NIBAN1: variants seen among roughly 807,000 people sequenced by gnomAD.
The protein encoded by NIBAN1 is niban apoptosis regulator 1, also known as protein Niban 1.
In NIBAN1, 81 loss-of-function variants were observed where a neutral mutation model predicts 75.1. The observed-to-expected ratio is 1.08, with a 90% CI of 0.90 to 1.30. The LOEUF (loss-of-function observed/expected upper bound fraction) is 1.30. Among genes scored for constraint, NIBAN1 ranks in the 50% most tolerant of loss-of-function variants. The pLI, the probability that NIBAN1 is intolerant of heterozygous loss-of-function variation, is 0.00. For synonymous variants in NIBAN1, 436 were observed against 424.8 expected (o/e 1.03, Z -0.32); for missense variants, 1,133 against 1,128.1 (o/e 1.00, Z -0.06).
intron 1 of NIBAN1, among the ~76,000 whole-genome samples, chr1:184,940,258 C>T (rs2102046931): frequency 6.6e-6 from 1 of 152,328 alleles, no homozygotes; most frequent in East Asian, 1.9e-4. Flanking sequence ...CCGGCACCAG[C>T]AGAACCGTGG....
intron 9 of NIBAN1, among the ~76,000 whole-genome samples, chr1:184,812,355 GA>G (rs1279396351): frequency 6.6e-6 from 1 of 152,086 alleles, no homozygotes; most frequent in East Asian, 1.9e-4. Context: ...TAGCCAGAAT[GA>G]AAAAAATAAT....
chr1:184,893,997 A>G (rs1382566004), intron 3 of NIBAN1, 78 bp downstream of exon 3: 1 of 1,430,592 alleles, frequency 7.0e-7, no homozygotes, highest in East Asian at 2.4e-5. Context: ...CCTTGTAGGA[A>G]GGAGAGGGCA....
chr1:184,945,074 T>G (rs1658187469), intron 1 of NIBAN1, among the ~76,000 whole-genome samples: 1 of 152,194 alleles, frequency 6.6e-6, no homozygotes, highest in Non-Finnish European at 1.5e-5. Flanking sequence ...TGTTCCTAAT[T>G]TAGTATACAA....
At chr1:184,940,600 T>C (rs1020360068) in intron 1 of NIBAN1, among the ~76,000 whole-genome samples, 8 of 152,312 alleles carry the variant, frequency 5.3e-5, no homozygotes, top group Middle Eastern at 3.4e-3. Context: ...ACAGTGTATT[T>C]TGGTAGTGGG....
intron 1 of NIBAN1, among the ~76,000 whole-genome samples, chr1:184,916,572 C>A (rs371088322): frequency 6.6e-6 from 1 of 152,050 alleles, no homozygotes; most frequent in Non-Finnish European, 1.5e-5. Context: ...AAACCATATA[C>A]AACTTGGCCA....
At chr1:184,814,031 T>A (rs934734378) in intron 9 of NIBAN1, among the ~76,000 whole-genome samples, 17 of 152,244 alleles carry the variant, frequency 1.1e-4, no homozygotes, top group African/African-American at 3.9e-4. Flanking sequence ...GTATTTTTTG[T>A]AAGAGATTAT....
At chr1:184,873,430 G>A (rs533163514) in intron 5 of NIBAN1, among the ~76,000 whole-genome samples, 6 of 152,244 alleles carry the variant, frequency 3.9e-5, no homozygotes, top group African/African-American at 4.8e-5. Context: ...AGAGCTCCCC[G>A]CCCTTGTCCT....
intron 1 of NIBAN1, among the ~76,000 whole-genome samples, chr1:184,960,734 T>G (rs1658613546): frequency 6.6e-6 from 1 of 152,096 alleles, no homozygotes; most frequent in South Asian, 2.1e-4. Context: ...GTTCAAGTGA[T>G]TCTCCTGTCT....
chr1:184,833,996 T>C lies in NIBAN1; in HGVS notation c.602-2034A>G, dbSNP rs1043258164. 3.9e-4 allele frequency among the ~76,000 whole-genome samples: 59 copies of C among 152,140 alleles called. 1 individual carries two copies. The Middle Eastern group carries it at 0.01, about 26-fold the overall frequency. On this transcript the variant is annotated intron_variant, in intron 5 of 13. Coordinates refer to ENST00000367511, the MANE Select transcript of NIBAN1 (RefSeq NM_052966.4). Reference sequence around the variant, plus strand: ...TTACATTAGGTATTTCTCCTAATGTTATCCCTCCCCCTGCCCCCCACCCCA... The same window carrying C: ...TTACATTAGGTATTTCTCCTAATGTCATCCCTCCCCCTGCCCCCCACCCCA...
At chr1:184,917,444 C>T (rs1657420367) in intron 1 of NIBAN1, among the ~76,000 whole-genome samples, 1 of 145,770 alleles carries the variant, frequency 6.9e-6, no homozygotes, top group Non-Finnish European at 1.5e-5. Flanking sequence ...GATCTGACCT[C>T]GTGATCCGCC....
rs151290852 is a variant in NIBAN1, at chr1:184,954,005, A to G, written c.55+20297T>C. ...TATATGATTCAAGGAGCACTTCATT[A>G]CTCAAAATTCCTAAGGGGGAAAGAT... is the stretch of plus-strand genomic sequence containing the variant. On this transcript the variant is annotated intron_variant, in intron 1 of 13. Transcript: ENST00000367511. Among the ~76,000 whole-genome samples the G allele has an allele frequency of 2.8e-3, 419 of 152,342 alleles. 1 individual carries two copies. Among genetic ancestry groups the G allele is most frequent in the Non-Finnish European group, 3.6e-3 (247 of 68,040 alleles).
chr1:184,814,892 A>C (rs1654484287), intron 9 of NIBAN1, among the ~76,000 whole-genome samples: 1 of 152,236 alleles, frequency 6.6e-6, no homozygotes, highest in African/African-American at 2.4e-5. Context: ...GGACTCATGA[A>C]GAACTAGGAC....
At chr1:184,957,798 C>T (rs182472019) in intron 1 of NIBAN1, among the ~76,000 whole-genome samples, 1 of 152,292 alleles carries the variant, frequency 6.6e-6, no homozygotes, top group East Asian at 1.9e-4. Flanking sequence ...AGCGAGTCCT[C>T]AGGAAATTAT....
intron 12 of NIBAN1, among the ~76,000 whole-genome samples, chr1:184,799,627 C>T (rs1428815770): frequency 7.6e-6 from 1 of 131,382 alleles, no homozygotes; most frequent in Non-Finnish European, 1.6e-5. Flanking sequence ...CACTGACTTC[C>T]ACAATGGTTG....
chr1:184,956,750 G>T (rs774408956), intron 1 of NIBAN1, among the ~76,000 whole-genome samples: 6 of 151,696 alleles, frequency 4.0e-5, no homozygotes, highest in Non-Finnish European at 5.9e-5. Flanking sequence ...TCTAAAAAGG[G>T]GTCCATAGGC....
chr1:184,809,025 C>A (rs1247366656), intron 9 of NIBAN1, among the ~76,000 whole-genome samples: 3 of 152,204 alleles, frequency 2.0e-5, no homozygotes, highest in East Asian at 3.9e-4. Flanking sequence ...ATGGGTGGAG[C>A]AGAAGAAGGC....
intron 9 of NIBAN1, among the ~76,000 whole-genome samples, chr1:184,816,059 T>G (rs541341537): frequency 6.6e-6 from 1 of 152,226 alleles, no homozygotes; most frequent in Admixed American, 6.5e-5. Flanking sequence ...ATACATCATA[T>G]GTAGATTATA....
At chr1:184,855,565 T>C (rs941067038) in intron 5 of NIBAN1, among the ~76,000 whole-genome samples, 2 of 152,192 alleles carry the variant, frequency 1.3e-5, no homozygotes, top group African/African-American at 2.4e-5. Context: ...ATTTATTTTA[T>C]ATGTTGCCTG....
At chr1:184,969,206 C>T (rs2102093235) in intron 1 of NIBAN1, among the ~76,000 whole-genome samples, 1 of 152,300 alleles carries the variant, frequency 6.6e-6, no homozygotes, top group South Asian at 2.1e-4. Flanking sequence ...TTGTGGATAA[C>T]TAGCAATCTT....
Sources: gnomAD v4.1 joint callset for allele counts (sites outside exome capture counted in the v4.1 genomes callset) on GRCh38, gnomAD v4.1.1 for gene constraint, MANE v1.5 for transcripts, NCBI Gene and HGNC (gene_info 2026-07-23, HGNC 2026-07-21) for gene names.